Variants in RBFOX1 observed in about 807,000 individuals in gnomAD.
The protein encoded by RBFOX1 is RNA binding fox-1 homolog 1.
Under a neutral mutation model 57.7 loss-of-function variants are expected in RBFOX1, and 8 were observed. The observed-to-expected ratio is 0.14, with a 90% CI of 0.08 to 0.25. RBFOX1 has a LOEUF of 0.25. RBFOX1 is among the 10% of genes least tolerant of loss of function. The pLI, the probability that RBFOX1 is intolerant of heterozygous loss-of-function variation, is 1.00. For synonymous variants in RBFOX1, 326 were observed against 222.4 expected, an observed-to-expected ratio of 1.47 and a Z score of -4.15; for missense variants, 611 against 548.5, an observed-to-expected ratio of 1.11 and a Z score of -1.14.
intron 3 of RBFOX1, among the ~76,000 whole-genome samples, chr16:5,856,426 A>G (rs1235939947): frequency 7.2e-6 from 1 of 139,036 alleles, no homozygotes; most frequent in Non-Finnish European, 1.5e-5. Flanking sequence ...TATATAGCAC[A>G]GTATTGTTCA....
At chr16:6,139,732 G>T (rs765501827) in intron 1 of RBFOX1, among the ~76,000 whole-genome samples, 10 of 152,074 alleles carry the variant, frequency 6.6e-5, no homozygotes, top group Middle Eastern at 6.8e-3. Context: ...CACTCTTTCT[G>T]TTTCTTGGTC....
chr16:5,654,481 CCTT>C (rs1057212266), intron 3 of RBFOX1, among the ~76,000 whole-genome samples: 1 of 152,112 alleles, frequency 6.6e-6, no homozygotes, highest in African/African-American at 2.4e-5. Flanking sequence ...TCTCACCTGT[CCTT>C]CTTCCTTCTT....
chr16:5,786,153 C>G (rs1261974661), intron 3 of RBFOX1, among the ~76,000 whole-genome samples: 1 of 152,176 alleles, frequency 6.6e-6, no homozygotes, highest in Non-Finnish European at 1.5e-5. Context: ...ACCTCTCACC[C>G]CAGAAGACAC....
At chr16:5,372,589 G>C (rs1010974894) in intron 1 of RBFOX1, among the ~76,000 whole-genome samples, 1 of 152,200 alleles carries the variant, frequency 6.6e-6, no homozygotes, top group Non-Finnish European at 1.5e-5. Context: ...AGGTGATGCT[G>C]ACTGCCCCTG....
chr16:6,198,281 T>C (rs1006389139), intron 1 of RBFOX1, among the ~76,000 whole-genome samples: 7 of 152,068 alleles, frequency 4.6e-5, no homozygotes, highest in African/African-American at 7.2e-5. Flanking sequence ...AAAAGCTAAT[T>C]TGAGTAGATA....
chr16:5,360,704 C>G (rs2065523298), intron 1 of RBFOX1, among the ~76,000 whole-genome samples: 1 of 152,198 alleles, frequency 6.6e-6, no homozygotes, highest in African/African-American at 2.4e-5. Flanking sequence ...GGGAAACTGG[C>G]AGGGTTGAAG....
intron 4 of RBFOX1, among the ~76,000 whole-genome samples, chr16:6,008,903 C>T (rs528430634): frequency 6.6e-5 from 10 of 152,214 alleles, no homozygotes; most frequent in East Asian, 1.9e-4. Context: ...AACACAGAGA[C>T]GAATCAAAGC....
intron 1 of RBFOX1, among the ~76,000 whole-genome samples, chr16:5,333,556 G>A (rs1031142777): frequency 7.2e-5 from 11 of 152,314 alleles, no homozygotes; most frequent in South Asian, 6.2e-4. Flanking sequence ...CACAGCAGAC[G>A]TAGAAGTTCT....
chr16:6,191,204 A>C (rs781010033), intron 1 of RBFOX1, among the ~76,000 whole-genome samples: 1 of 145,920 alleles, frequency 6.9e-6, no homozygotes, highest in African/African-American at 2.6e-5. Context: ...GAACTTGGCT[A>C]TTGGGCTGGG....
rs976385824 is a variant in RBFOX1, at chr16:7,273,917, G to T, written c.27+221819G>T. 2.0e-5 allele frequency among the ~76,000 whole-genome samples: 3 copies of T among 152,224 alleles called. 1 individual carries two copies. In the South Asian group the frequency reaches 6.2e-4, roughly 32 times the overall value. On this transcript the variant is annotated intron_variant, in intron 4 of 15. Coordinates refer to ENST00000550418, the MANE Select transcript of RBFOX1 (RefSeq NM_018723.4). ...GTAATTCTCTCAGTTGTCATTGATT[G>T]CTTCTGTTTTTCTGTAGTATTACTG...
intron 3 of RBFOX1, among the ~76,000 whole-genome samples, chr16:7,023,196 G>C (rs963307461): frequency 6.6e-5 from 10 of 152,026 alleles, no homozygotes; most frequent in African/African-American, 2.2e-4. Context: ...AAATGAATGG[G>C]CTGGGCATGG....
intron 3 of RBFOX1, among the ~76,000 whole-genome samples, chr16:6,825,436 A>G (rs1603629361): frequency 1.3e-5 from 2 of 152,158 alleles, no homozygotes; most frequent in African/African-American, 4.8e-5. Context: ...GGATGATTTG[A>G]AAAGGGAAAG....
chr16:5,381,110 T>C (rs1303733492), intron 1 of RBFOX1, among the ~76,000 whole-genome samples: 2 of 152,162 alleles, frequency 1.3e-5, no homozygotes, highest in Admixed American at 6.5e-5. Flanking sequence ...GAGGACAGGA[T>C]GCTGAAGGAG....
chr16:5,889,396 CT>C (rs1718539922), intron 4 of RBFOX1, among the ~76,000 whole-genome samples: 1 of 152,152 alleles, frequency 6.6e-6, no homozygotes, highest in South Asian at 2.1e-4. Flanking sequence ...AAGACATGCT[CT>C]CATTTTGTTT....
intron 3 of RBFOX1, among the ~76,000 whole-genome samples, chr16:5,846,293 AAAG>A (rs1350429489): frequency 6.6e-6 from 1 of 152,122 alleles, no homozygotes; most frequent in African/African-American, 2.4e-5. Context: ...AGAGTGGAGA[AAAG>A]GAGGAGGAGA....
chr16:5,867,280 G>A (rs2057365030), intron 3 of RBFOX1: 1 of 1,179,872 alleles, frequency 8.5e-7, no homozygotes, highest in Non-Finnish European at 1.1e-6. Context: ...CAATACTAAT[G>A]TCTTTTTTTG....
intron 4 of RBFOX1, among the ~76,000 whole-genome samples, chr16:7,220,245 A>G (rs992741678): frequency 1.4e-4 from 22 of 152,206 alleles, no homozygotes; most frequent in South Asian, 4.1e-4. Context: ...GGATAATTCA[A>G]TATAGTACTC....
chr16:7,114,186 A>G (rs1225936824), intron 4 of RBFOX1, among the ~76,000 whole-genome samples: 1 of 152,214 alleles, frequency 6.6e-6, no homozygotes, highest in East Asian at 1.9e-4. Flanking sequence ...GAGGCAGATC[A>G]GTCTTTACGT....
intron 3 of RBFOX1, among the ~76,000 whole-genome samples, chr16:6,855,629 G>A (rs1301742702): frequency 2.0e-5 from 3 of 146,674 alleles, no homozygotes; most frequent in Admixed American, 6.7e-5. Context: ...CTCCAGCCTG[G>A]GCAACAGAGT....
Sources: allele counts gnomAD v4.1 joint callset (sites outside exome capture counted in the v4.1 genomes callset), GRCh38; gene constraint gnomAD v4.1.1; transcripts MANE v1.5; gene names NCBI Gene and HGNC (gene_info 2026-07-23, HGNC 2026-07-21).